The following CYP19A1 variants were observed in gnomAD, a reference collection of about 807,000 sequenced individuals.
The protein encoded by CYP19A1 is cytochrome P450 family 19 subfamily A member 1.
In CYP19A1, 32 loss-of-function variants were observed where a neutral mutation model predicts 44.4. That is an observed-to-expected ratio of 0.72 (90% CI 0.54 to 0.97). The LOEUF is 0.97. CYP19A1 is among the 50% of genes least tolerant of loss of function. The pLI, the probability that CYP19A1 is intolerant of heterozygous loss-of-function variation, is 0.00. For synonymous variants in CYP19A1, 212 were observed against 215.6 expected (o/e 0.98, Z 0.14); for missense variants, 598 against 637.8 (o/e 0.94, Z 0.67).
At chr15:51,212,282 CA>C in intron 9 of CYP19A1, 37 bp downstream of exon 9, 1 of 1,421,790 alleles carries the variant, frequency 7.0e-7, no homozygotes, top group Non-Finnish European at 1.0e-6. Context: ...TTGACATTTT[CA>C]AGAGTGGCAC....
At chr15:51,230,552 A>G (rs1220217486) in intron 3 of CYP19A1, among the ~76,000 whole-genome samples, 1 of 152,002 alleles carries the variant, frequency 6.6e-6, no homozygotes, top group African/African-American at 2.4e-5. Flanking sequence ...GGATTAAACA[A>G]TTCACACACT....
chr15:51,322,817 C>T (rs1057310615), intron 1 of CYP19A1, among the ~76,000 whole-genome samples: 4 of 152,194 alleles, frequency 2.6e-5, no homozygotes, highest in Admixed American at 6.5e-5. Context: ...AGTTTCTCTC[C>T]CATTGTGGAG....
At chr15:51,261,852 G>C (rs1476297020) in intron 1 of CYP19A1, among the ~76,000 whole-genome samples, 1 of 152,178 alleles carries the variant, frequency 6.6e-6, no homozygotes, top group Non-Finnish European at 1.5e-5. Context: ...TGAAGCAGTA[G>C]AGTCTTCAGG....
chr15:51,323,118 T>C (rs948061352), intron 1 of CYP19A1, among the ~76,000 whole-genome samples: 4 of 152,222 alleles, frequency 2.6e-5, no homozygotes, highest in Non-Finnish European at 5.9e-5. Context: ...TCCCTTGCAG[T>C]GGCCTCCAGG....
chr15:51,278,157 C>T (rs1398468948), intron 1 of CYP19A1: 1 of 151,954 alleles, frequency 6.6e-6, no homozygotes, highest in African/African-American at 2.4e-5. Context: ...GCTAAGAGAT[C>T]AGTTGCTTAG....
chr15:51,212,221 A>AAAATGAAGTATTT (rs1382873138), intron 9 of CYP19A1, 99 bp downstream of exon 9: 2 of 901,338 alleles, frequency 2.2e-6, no homozygotes, highest in African/African-American at 3.3e-5. Context: ...ATGAGTAAGA[A>AAAATGAAGTATTT]AAATGAAGTA....
chr15:51,230,389 T>C (rs1294999740), intron 3 of CYP19A1, among the ~76,000 whole-genome samples: 9 of 152,290 alleles, frequency 5.9e-5, no homozygotes, highest in Middle Eastern at 3.4e-3. Context: ...GTGCACAGCG[T>C]TGGGTGTCTG....
intron 1 of CYP19A1, among the ~76,000 whole-genome samples, chr15:51,257,149 G>A (rs1461300032): frequency 6.6e-6 from 1 of 152,220 alleles, no homozygotes; most frequent in Non-Finnish European, 1.5e-5. Context: ...TGGTAAGAAT[G>A]AGCACAGCTA....
intron 3 of CYP19A1, among the ~76,000 whole-genome samples, chr15:51,233,520 T>A (rs568535890): frequency 3.9e-4 from 60 of 152,218 alleles, no homozygotes; most frequent in Non-Finnish European, 6.9e-4. Flanking sequence ...GAAGAGCCAA[T>A]AATGACTATT....
At chr15:51,294,999 G>GA (rs202195912) in intron 1 of CYP19A1, among the ~76,000 whole-genome samples, 38,050 of 143,586 alleles carry the variant, frequency 0.26, 6,707 homozygotes, top group African/African-American at 0.5. Flanking sequence ...CTGCCTTGGG[G>GA]AAAAAAAAAA....
At chr15:51,261,141 G>A (rs567920028) in intron 1 of CYP19A1, among the ~76,000 whole-genome samples, 14 of 152,260 alleles carry the variant, frequency 9.2e-5, no homozygotes, top group African/African-American at 1.9e-4. Flanking sequence ...CAGCCTAATC[G>A]AGCTGAACAC....
chr15:51,235,326 C>G (rs2033320189), intron 3 of CYP19A1, among the ~76,000 whole-genome samples: 1 of 152,182 alleles, frequency 6.6e-6, no homozygotes, highest in Non-Finnish European at 1.5e-5. Flanking sequence ...GATCGCGGGT[C>G]CTACCCCAGA....
At chr15:51,248,933 C>CTTT (rs375834140) in intron 1 of CYP19A1, among the ~76,000 whole-genome samples, 1 of 140,382 alleles carries the variant, frequency 7.1e-6, no homozygotes, top group East Asian at 2.0e-4. Context: ...TCAAATTCAT[C>CTTT]TTTTTTTTTT....
rs1276028136 is a variant in CYP19A1, at chr15:51,211,943, T to C, written c.1263+377A>G. ...ATTTTCATCTGAAGCAGTAGTGGAC[T>C]TTCCTTTGCTCAGATGGTGCTATAG... On this transcript the variant is annotated intron_variant, in intron 9 of 9. Coordinates refer to ENST00000396402, the MANE Select transcript of CYP19A1 (RefSeq NM_000103.4). 2.7e-5 allele frequency among the ~76,000 whole-genome samples: 4 copies of C among 148,636 alleles called. No individual in the cohort carries two copies. The East Asian group carries it at 8.1e-4, about 30-fold the overall frequency.
At chr15:51,292,064 A>G (rs1452493657) in intron 1 of CYP19A1, among the ~76,000 whole-genome samples, 1 of 152,234 alleles carries the variant, frequency 6.6e-6, no homozygotes, top group Non-Finnish European at 1.5e-5. Context: ...CTATTGAGAC[A>G]GCAAGTCTGG....
intron 1 of CYP19A1, among the ~76,000 whole-genome samples, chr15:51,279,610 C>T (rs563016885): frequency 6.6e-6 from 1 of 152,308 alleles, no homozygotes; most frequent in East Asian, 1.9e-4. Flanking sequence ...TGAGTGAAAA[C>T]TGACACATGC....
chr15:51,309,205 C>T (rs536605322), intron 1 of CYP19A1, among the ~76,000 whole-genome samples: 16 of 152,296 alleles, frequency 1.1e-4, no homozygotes, highest in African/African-American at 1.4e-4. Flanking sequence ...AGGTACCAGA[C>T]GGCTTTTTAG....
rs151112358 is a variant in CYP19A1, at chr15:51,239,792, G to A, written c.146-2783C>T. 2.6e-4 allele frequency among the ~76,000 whole-genome samples: 40 copies of A among 152,280 alleles called. No individual in the cohort carries two copies. In the East Asian group the frequency reaches 6.4e-3, roughly 24 times the overall value. ...GCATTGTGATGGCAAATTTGTCACC[G>A]CACTGTCCAGTTTTCTGTGAAATAT... is the stretch of plus-strand genomic sequence containing the variant. On this transcript the variant is annotated intron_variant, in intron 2 of 9. Transcript: ENST00000396402.
At chr15:51,320,652 T>A (rs1278292250) in intron 1 of CYP19A1, among the ~76,000 whole-genome samples, 1 of 152,108 alleles carries the variant, frequency 6.6e-6, no homozygotes, top group African/African-American at 2.4e-5. Flanking sequence ...ACCCCACTTC[T>A]CAGGTCCTCC....
Sources: allele counts gnomAD v4.1 joint callset (sites outside exome capture counted in the v4.1 genomes callset), GRCh38; gene constraint gnomAD v4.1.1; transcripts MANE v1.5; gene names NCBI Gene and HGNC (gene_info 2026-07-23, HGNC 2026-07-21).